FYTTD1: variants seen among roughly 807,000 people sequenced by gnomAD.
FYTTD1 encodes forty-two-three domain containing 1.
Under a neutral mutation model 40.9 loss-of-function variants are expected in FYTTD1, and 22 were observed. The observed-to-expected ratio is 0.54, with a 90% CI of 0.38 to 0.77. The LOEUF (loss-of-function observed/expected upper bound fraction) is 0.77, where lower values mean the gene tolerates loss of function less well. FYTTD1 is among the 30% of genes least tolerant of loss of function. The probability of loss-of-function intolerance (pLI) is 0.00; values close to 1 mark genes in which losing one functional copy is unlikely to be tolerated. For synonymous variants in FYTTD1, 140 were observed against 137.9 expected (o/e 1.01, Z -0.10); for missense variants, 351 against 392.2 (o/e 0.90, Z 0.89).
At chr3:197,750,967 A>T in intron 1 of FYTTD1, 1 of 473,458 alleles carries the variant, frequency 2.1e-6, no homozygotes, top group East Asian at 1.5e-4. Flanking sequence ...TAGGTGGGCT[A>T]AAAGTACGAA....
chr3:197,750,938 C>A, intron 1 of FYTTD1: 2 of 745,546 alleles, frequency 2.7e-6, no homozygotes, highest in Non-Finnish European at 3.3e-6. Flanking sequence ...TACCGAGGCA[C>A]CAGCCGCTGT....
At chr3:197,780,786 G>A (rs1233180664) in intron 8 of FYTTD1, among the ~76,000 whole-genome samples, 1 of 151,662 alleles carries the variant, frequency 6.6e-6, no homozygotes, top group Admixed American at 6.6e-5. Flanking sequence ...CTTTTGATCC[G>A]CCTGCCTTGG....
At chr3:197,749,540 T>C, upstream of FYTTD1, 2 of 1,291,036 alleles carry the variant, frequency 1.5e-6, no homozygotes, top group Middle Eastern at 2.1e-4. Context: ...CGAGGCTGCG[T>C]TGCGGTGGGC....
In FYTTD1 at chr3:197,782,508, G is replaced by C. The variant is rs1331124881; in HGVS notation, c.*599G>C. ...CAGCTTTAGTGCTGAGCTTTTAACA[G>C]GAAATGTGGCCCTAGGTATTAGTCT... On this transcript the variant is annotated 3_prime_UTR_variant, in exon 9 of 9. Coordinates refer to ENST00000241502, the MANE Select transcript of FYTTD1 (RefSeq NM_032288.7). 6.6e-6 allele frequency: 1 copy of C among 152,214 alleles called. No individual in the cohort carries two copies. The highest frequency in any genetic ancestry group is 1.5e-5 in the Non-Finnish European group (1 of 68,050). 9.4% of individuals were successfully genotyped at this position (152,214 alleles called of 1,614,324 possible).
At chr3:197,752,845 G>A (rs1580442879) in intron 1 of FYTTD1, among the ~76,000 whole-genome samples, 1 of 152,094 alleles carries the variant, frequency 6.6e-6, no homozygotes, top group African/African-American at 2.4e-5. Flanking sequence ...TAACTTGCTC[G>A]AAGTCATACA....
intron 7 of FYTTD1, among the ~76,000 whole-genome samples, chr3:197,777,248 A>G (rs1050242937): frequency 1.3e-5 from 2 of 152,210 alleles, no homozygotes; most frequent in African/African-American, 2.4e-5. Flanking sequence ...AATTATGTGC[A>G]TGTATACTCT....
Position 197,749,978 on chromosome 3 carries a change from C to G in FYTTD1, c.7C>G (p.Arg3Gly), listed in dbSNP as rs780198355. 6.3e-7 allele frequency: 1 copy of G among 1,578,868 alleles called. No homozygotes were observed. The highest frequency in any genetic ancestry group is 1.8e-5 in the Admixed American group (1 of 56,170). Reference protein sequence around the residue: MNRFGTRLVGATA... With the variant: MNGFGTRLVGATA... ...CGGCGCGACGTCTCCAGCCATGAACCGGTTTGGTACCCGGTTGGTGGGAGC... is the reference window on the plus strand; with the variant it reads ...CGGCGCGACGTCTCCAGCCATGAACGGGTTTGGTACCCGGTTGGTGGGAGC... The change falls in exon 1 of 9, where the codon CGG (arginine) becomes GGG (glycine). Residue 3 changes from arginine (R) to glycine (G), a missense_variant. Transcript: ENST00000241502.
At chr3:197,770,773 TC>T (rs1275753440) in intron 4 of FYTTD1, among the ~76,000 whole-genome samples, 3 of 152,080 alleles carry the variant, frequency 2.0e-5, no homozygotes, top group Non-Finnish European at 2.9e-5. Context: ...TGGTCTCAAT[TC>T]CTGGCCTCAA....
chr3:197,754,866 T>G (rs1246633938), intron 1 of FYTTD1, among the ~76,000 whole-genome samples: 1 of 152,112 alleles, frequency 6.6e-6, no homozygotes, highest in African/African-American at 2.4e-5. Context: ...GAGGTTTTGC[T>G]GTGTTGCCCA....
rs1553908002 is a variant in FYTTD1 at position 197,755,609 on chromosome 3, C to CT, written c.104-816dup. Reference sequence around the variant, plus strand: ...TACAGGCATGCACCGCCATACCCGGCTAATTTATTTATTTATTTATTTATT... The same window carrying CT: ...TACAGGCATGCACCGCCATACCCGGCTTAATTTATTTATTTATTTATTTATT... On this transcript the variant is annotated intron_variant, in intron 1 of 8. Coordinates refer to ENST00000241502, the MANE Select transcript of FYTTD1 (RefSeq NM_032288.7). The CT allele has an allele frequency of 7.7e-3, 1,574 of 205,176 alleles. 14 individuals are homozygous for CT. Among genetic ancestry groups the CT allele is most frequent in the Admixed American group, 0.011 (177 of 16,418 alleles). The allele number at this position is 205,176 out of a possible 1,614,324, so 12.7% of individuals were successfully genotyped here.
chr3:197,767,781 T>C (rs9839239), intron 2 of FYTTD1, among the ~76,000 whole-genome samples: 78 of 152,290 alleles, frequency 5.1e-4, no homozygotes, highest in African/African-American at 1.7e-3. Context: ...AGGTAAGATA[T>C]GTAATGGAAA....
intron 6 of FYTTD1, among the ~76,000 whole-genome samples, chr3:197,775,626 C>T (rs571181622): frequency 1.3e-5 from 2 of 152,332 alleles, no homozygotes; most frequent in Admixed American, 6.5e-5. Flanking sequence ...GACGTAGAAC[C>T]TGTGGATACA....
At chr3:197,757,611 C>T (rs1212116358) in intron 2 of FYTTD1, among the ~76,000 whole-genome samples, 1 of 152,086 alleles carries the variant, frequency 6.6e-6, no homozygotes, top group East Asian at 1.9e-4. Context: ...CCTGTCTCCA[C>T]AAAAAATTTA....
intron 4 of FYTTD1, among the ~76,000 whole-genome samples, chr3:197,772,985 CA>C (rs1729761765): frequency 6.6e-6 from 1 of 152,176 alleles, no homozygotes. Context: ...TGTTATTTTT[CA>C]AACCTTTCTC....
At chr3:197,756,210 C>G (rs1348529026) in intron 1 of FYTTD1, among the ~76,000 whole-genome samples, 1 of 152,058 alleles carries the variant, frequency 6.6e-6, no homozygotes, top group East Asian at 1.9e-4. Context: ...CTTGATTCAT[C>G]AGGTAAAGAA....
rs1410644051 is a variant in FYTTD1 at position 197,785,123 on chromosome 3, C to A, written c.*3214C>A. Reference sequence around the variant, plus strand: ...TACCAGTGATGGTTATACTTTATTACTTTGCTATTTGGGTTAGGTAGACCT... The same window carrying A: ...TACCAGTGATGGTTATACTTTATTAATTTGCTATTTGGGTTAGGTAGACCT... On this transcript the variant is annotated 3_prime_UTR_variant, in exon 9 of 9. Transcript: ENST00000241502. 6.6e-6 allele frequency: 1 copy of A among 152,186 alleles called. No homozygotes were observed. The highest frequency in any genetic ancestry group is 1.5e-5 in the Non-Finnish European group (1 of 68,022). The allele number at this position is 152,186 out of a possible 1,614,324, so 9.4% of individuals were successfully genotyped here. A position where few individuals can be genotyped will look rare whatever the true frequency, so the allele number is the denominator to read the frequency against.
chr3:197,763,387 C>G (rs960011623), intron 2 of FYTTD1: 4 of 312,436 alleles, frequency 1.3e-5, no homozygotes, highest in Non-Finnish European at 2.5e-5. Context: ...GCACTCCAGC[C>G]TGGGCGACAG....
chr3:197,781,746 T>C, intron 8 of FYTTD1, 65 bp from the exon 9 acceptor site: 1 of 1,105,156 alleles, frequency 9.0e-7, no homozygotes, highest in East Asian at 2.4e-5. Context: ...CCAAAGCAAA[T>C]ATGGCCTTCA....
At chr3:197,754,517 CA>C (rs1336635126) in intron 1 of FYTTD1, among the ~76,000 whole-genome samples, 4 of 151,774 alleles carry the variant, frequency 2.6e-5, no homozygotes, top group South Asian at 2.1e-4. Context: ...ATTATAGTGA[CA>C]AAAAAATTGA....
Sources: gnomAD v4.1 joint callset for allele counts (sites outside exome capture counted in the v4.1 genomes callset) on GRCh38, gnomAD v4.1.1 for gene constraint, MANE v1.5 for transcripts, NCBI Gene and HGNC (gene_info 2026-07-23, HGNC 2026-07-21) for gene names.